HPSE2: variants seen among roughly 807,000 people sequenced by gnomAD.
HPSE2 encodes the protein inactive heparanase-2.
A neutral mutation model predicts 60.5 loss-of-function variants in HPSE2; 38 were observed. The ratio of observed to expected loss-of-function variants is 0.63; its 90% CI spans 0.48 to 0.82. The LOEUF (loss-of-function observed/expected upper bound fraction) is 0.82. HPSE2 is among the 40% of genes least tolerant of loss of function. The probability of loss-of-function intolerance (pLI) is 0.00; values close to 1 mark genes in which losing one functional copy is unlikely to be tolerated. For synonymous variants in HPSE2, 295 were observed against 293.2 expected (o/e 1.01, Z -0.06); for missense variants, 713 against 740.4 (o/e 0.96, Z 0.43).
At chr10:99,248,030 T>C in the HPSE2 span, among the ~76,000 whole-genome samples, 1 of 152,132 alleles carries the variant, frequency 6.6e-6, no homozygotes, top group African/African-American at 2.4e-5. Context: ...AATTACCCAG[T>C]TTGGGGTATT....
At chr10:99,095,491 A>G (rs1843689792) in intron 3 of HPSE2, among the ~76,000 whole-genome samples, 1 of 152,218 alleles carries the variant, frequency 6.6e-6, no homozygotes, top group Admixed American at 6.5e-5. Context: ...CCATCACCAC[A>G]TTCAATTTTA....
intron 2 of HPSE2, among the ~76,000 whole-genome samples, chr10:99,144,711 T>C (rs1165684193): frequency 1.3e-5 from 2 of 152,176 alleles, no homozygotes; most frequent in Non-Finnish European, 2.9e-5. Context: ...GGCCTTTTCT[T>C]AACATATCTT....
chr10:98,983,230 T>C (rs1179556982), intron 3 of HPSE2, among the ~76,000 whole-genome samples: 1 of 152,184 alleles, frequency 6.6e-6, no homozygotes, highest in Non-Finnish European at 1.5e-5. Context: ...GAAATAATTA[T>C]ACAACTCACC....
At chr10:98,722,727 C>G (rs1326599151) in intron 4 of HPSE2, among the ~76,000 whole-genome samples, 1 of 152,136 alleles carries the variant, frequency 6.6e-6, no homozygotes, top group East Asian at 1.9e-4. Flanking sequence ...AGCTCCACAG[C>G]TGGAGGAGGC....
intron 3 of HPSE2, among the ~76,000 whole-genome samples, chr10:98,903,951 T>C (rs1953737741): frequency 6.6e-6 from 1 of 152,148 alleles, no homozygotes; most frequent in African/African-American, 2.4e-5. Flanking sequence ...AGTAGTTTTA[T>C]AATCTTAAGT....
rs191316320 is a variant in HPSE2 at position 99,136,543 on chromosome 10, C to T, written c.610+7695G>A. ...AGCACATCCAAAAGCTTATCCACCA[C>T]GATCAAGTCGGCTTCATCCCTGGGA... On this transcript the variant is annotated intron_variant, in intron 3 of 11. Coordinates refer to ENST00000370552, the MANE Select transcript of HPSE2 (RefSeq NM_021828.5). Among the ~76,000 whole-genome samples the T allele has an allele frequency of 1.1e-3, 168 of 152,210 alleles. 2 individuals carry two copies. The highest frequency in any genetic ancestry group is 1.9e-4 in the East Asian group (1 of 5,182).
intron 6 of HPSE2, among the ~76,000 whole-genome samples, chr10:98,648,407 G>C (rs565282282): frequency 6.6e-6 from 1 of 152,266 alleles, no homozygotes; most frequent in South Asian, 2.1e-4. Flanking sequence ...CCAGAATTGT[G>C]GGCAGAAGTG....
chr10:99,182,953 G>A (rs1205732935), intron 2 of HPSE2, among the ~76,000 whole-genome samples: 2 of 151,836 alleles, frequency 1.3e-5, no homozygotes, highest in East Asian at 1.9e-4. Context: ...CAGAGATCAC[G>A]CCACCACACA....
intron 9 of HPSE2, among the ~76,000 whole-genome samples, chr10:98,502,211 T>C (rs1942048660): frequency 6.6e-6 from 1 of 152,104 alleles, no homozygotes; most frequent in Non-Finnish European, 1.5e-5. Flanking sequence ...AAAATTCATA[T>C]GGAACCAAAA....
At chr10:98,580,836 A>ATATATATATATATATATGTGTGTGTGTG in intron 9 of HPSE2, among the ~76,000 whole-genome samples, 54 of 119,528 alleles carry the variant, frequency 4.5e-4, no homozygotes, top group African/African-American at 1.9e-3. Flanking sequence ...ATATATATAT[A>ATATATATATATATATATGTGTGTGTGTG]TGTGTGTGTG....
intron 11 of HPSE2, chr10:98,461,912 C>A: frequency 1.1e-6 from 1 of 921,808 alleles, no homozygotes; most frequent in Non-Finnish European, 1.7e-6. Context: ...ATTCTGGTTT[C>A]TTTATTGGTT....
chr10:98,725,659 A>G (rs1278496669), intron 4 of HPSE2, among the ~76,000 whole-genome samples: 1 of 152,210 alleles, frequency 6.6e-6, no homozygotes, highest in Non-Finnish European at 1.5e-5. Context: ...TAAACTAAAG[A>G]GCTTCTGCAC....
rs565132035 is a variant in HPSE2, at chr10:98,935,526, C to A, written c.611-191470G>T. 9.0e-5 allele frequency among the ~76,000 whole-genome samples: 13 copies of A among 143,894 alleles called. 1 individual carries two copies. The East Asian group carries it at 2.6e-3, about 29-fold the overall frequency. 94.4% of individuals were successfully genotyped at this position (143,894 alleles called of 152,430 possible). On this transcript the variant is annotated intron_variant, in intron 3 of 11. Transcript: ENST00000370552. ...TTTTGCTTTCTATTTGTTTCTTTTTCTTCTAACAGTCAGGACCCTCTTCTG... is the reference window on the plus strand; with the variant it reads ...TTTTGCTTTCTATTTGTTTCTTTTTATTCTAACAGTCAGGACCCTCTTCTG...
intron 3 of HPSE2, among the ~76,000 whole-genome samples, chr10:98,851,171 A>G (rs538024110): frequency 6.6e-6 from 1 of 152,218 alleles, no homozygotes; most frequent in Non-Finnish European, 1.5e-5. Flanking sequence ...ACCTCAGGAG[A>G]GATAGCCATG....
At chr10:99,050,952 C>T (rs902533975) in intron 3 of HPSE2, among the ~76,000 whole-genome samples, 6 of 149,412 alleles carry the variant, frequency 4.0e-5, no homozygotes, top group African/African-American at 1.2e-4. Context: ...TTGATTCAAT[C>T]GTGTGTGTGT....
chr10:99,163,822 G>C (rs1846946760), intron 2 of HPSE2, among the ~76,000 whole-genome samples: 1 of 151,782 alleles, frequency 6.6e-6, no homozygotes, highest in Admixed American at 6.6e-5. Context: ...GTTTTAGGTA[G>C]AATATCCCTC....
chr10:98,670,986 C>T (rs1027069438), intron 6 of HPSE2, among the ~76,000 whole-genome samples: 1 of 152,164 alleles, frequency 6.6e-6, no homozygotes, highest in Non-Finnish European at 1.5e-5. Context: ...TGCAGCTCGT[C>T]CTGCTACACA....
chr10:98,551,050 GT>G, intron 9 of HPSE2, among the ~76,000 whole-genome samples: 1 of 152,250 alleles, frequency 6.6e-6, no homozygotes, highest in Middle Eastern at 3.4e-3. Flanking sequence ...ATTATAAATA[GT>G]TTTATGACTG....
In HPSE2 at chr10:98,577,470, A is replaced by G. The variant is rs553284495; in HGVS notation, c.1320+37434T>C. Among the ~76,000 whole-genome samples, 4 of 152,302 alleles carry G rather than the reference A, an allele frequency of 2.6e-5. No homozygotes were observed. The East Asian group carries it at 7.7e-4, about 29-fold the overall frequency. ...TGGTATTCACTAGTCCTATATTATTATATTATGATATTACCTAGCCCTAAT... is the reference window on the plus strand; with the variant it reads ...TGGTATTCACTAGTCCTATATTATTGTATTATGATATTACCTAGCCCTAAT... On this transcript the variant is annotated intron_variant, in intron 9 of 11. Transcript: ENST00000370552.
Sources: allele counts gnomAD v4.1 joint callset (sites outside exome capture counted in the v4.1 genomes callset), GRCh38; gene constraint gnomAD v4.1.1; transcripts MANE v1.5; gene names NCBI Gene and HGNC (gene_info 2026-07-23, HGNC 2026-07-21).